The following SEMA3A variants were observed in gnomAD, a reference collection of about 807,000 sequenced individuals.
The protein encoded by SEMA3A is semaphorin-3A.
SEMA3A carries 29 observed loss-of-function variants against 97.9 expected under a neutral mutation model. That is an observed-to-expected ratio of 0.30 (90% CI 0.22 to 0.40). The LOEUF (loss-of-function observed/expected upper bound fraction) is 0.40, where lower values mean the gene tolerates loss of function less well. Ranked by LOEUF, SEMA3A falls within the 10% of genes least tolerant of loss-of-function variation. SEMA3A has a pLI of 1.00. For synonymous variants in SEMA3A, 321 were observed against 323.7 expected (o/e 0.99, Z 0.09); for missense variants, 763 against 951.3 (o/e 0.80, Z 2.60).
chr7:84,359,882 G>C (rs9801326), intron 2 of SEMA3A, among the ~76,000 whole-genome samples: 1 of 151,108 alleles, frequency 6.6e-6, no homozygotes, highest in African/African-American at 2.4e-5. Context: ...TGTATGTGTC[G>C]AGGAATTTAT....
upstream of SEMA3A, chr7:84,194,919 A>G (rs1368477727): frequency 1.0e-5 from 2 of 194,976 alleles, no homozygotes; most frequent in Non-Finnish European, 2.1e-5. Flanking sequence ...AGTTCCTTTT[A>G]TCTAAGCTCC....
At chr7:84,052,841 T>C (rs1335096217) in intron 5 of SEMA3A, among the ~76,000 whole-genome samples, 3 of 151,484 alleles carry the variant, frequency 2.0e-5, no homozygotes, top group Non-Finnish European at 2.9e-5. Flanking sequence ...CTTTCTCTTG[T>C]GGGCATTTAG....
intron 3 of SEMA3A, among the ~76,000 whole-genome samples, chr7:84,297,564 C>A (rs1800902666): frequency 6.6e-6 from 1 of 152,084 alleles, no homozygotes; most frequent in Admixed American, 6.6e-5. Context: ...GAATACCAAT[C>A]AAAATAACTA....
chr7:84,424,953 T>TTA (rs1215982940), intron 1 of SEMA3A, among the ~76,000 whole-genome samples: 9,689 of 100,744 alleles, frequency 0.096, 1,014 homozygotes, highest in African/African-American at 0.26. Flanking sequence ...ATATTTATAA[T>TTA]TATATATATA....
At chr7:84,098,586 A>C (rs1794850505) in intron 4 of SEMA3A, among the ~76,000 whole-genome samples, 1 of 152,124 alleles carries the variant, frequency 6.6e-6, no homozygotes, top group African/African-American at 2.4e-5. Context: ...TGCCACTGCC[A>C]AGGAATTTTA....
chr7:84,328,981 T>G (rs994691670), intron 2 of SEMA3A, among the ~76,000 whole-genome samples: 3 of 151,978 alleles, frequency 2.0e-5, no homozygotes, highest in African/African-American at 7.2e-5. Flanking sequence ...TATTTATTAT[T>G]GTTATACTTT....
At chr7:84,292,173 T>C (rs1161619134) in intron 3 of SEMA3A, among the ~76,000 whole-genome samples, 3 of 152,080 alleles carry the variant, frequency 2.0e-5, no homozygotes, top group Non-Finnish European at 4.4e-5. Flanking sequence ...TATTTTCAAA[T>C]CTTTACAAAA....
At chr7:84,239,512 A>C (rs1799311540) in intron 3 of SEMA3A, among the ~76,000 whole-genome samples, 1 of 151,466 alleles carries the variant, frequency 6.6e-6, no homozygotes, top group South Asian at 2.1e-4. Flanking sequence ...TGAGGGAATA[A>C]TTACAGAACA....
chr7:84,160,223 GTCTATCTATCTATCTATCTA>G (rs61107978), intron 1 of SEMA3A, among the ~76,000 whole-genome samples: 24,544 of 149,416 alleles, frequency 0.16, 2,105 homozygotes, highest in South Asian at 0.22. Flanking sequence ...CTATCAATCT[GTCTATCTATCTATCTATCTA>G]TCTATCTATC....
intron 7 of SEMA3A, 22 bp downstream of exon 7, chr7:84,014,187 A>T (rs757392394): frequency 1.9e-6 from 3 of 1,577,582 alleles, no homozygotes; most frequent in Non-Finnish European, 2.6e-6. Flanking sequence ...CATCCTTCTC[A>T]GTTTTTTTTT....
At chr7:84,141,260 G>A (rs2116072456) in intron 1 of SEMA3A, among the ~76,000 whole-genome samples, 1 of 152,242 alleles carries the variant, frequency 6.6e-6, no homozygotes, top group South Asian at 2.1e-4. Flanking sequence ...TACACATCCT[G>A]ATCTGTTACT....
At chr7:84,305,023 G>A (rs760583550) in intron 3 of SEMA3A, among the ~76,000 whole-genome samples, 2 of 151,874 alleles carry the variant, frequency 1.3e-5, no homozygotes, top group Non-Finnish European at 2.9e-5. Context: ...CATGTTGAGG[G>A]AAGAGTCAAC....
At chr7:84,303,241 A>G (rs1278486753) in intron 3 of SEMA3A, among the ~76,000 whole-genome samples, 8 of 152,064 alleles carry the variant, frequency 5.3e-5, no homozygotes, top group African/African-American at 1.7e-4. Context: ...CATTTGAGTC[A>G]AGGCCGTGAG....
chr7:84,126,479 T>A (rs907282833), intron 3 of SEMA3A, among the ~76,000 whole-genome samples: 1 of 152,186 alleles, frequency 6.6e-6, no homozygotes, highest in African/African-American at 2.4e-5. Flanking sequence ...GTGTTGGGAT[T>A]ACAGGCATGG....
At chr7:84,444,413 G>T (rs545146981) in intron 1 of SEMA3A, among the ~76,000 whole-genome samples, 1 of 151,796 alleles carries the variant, frequency 6.6e-6, no homozygotes, top group African/African-American at 2.4e-5. Flanking sequence ...CTTTGGTATT[G>T]GTCATATTTC....
chr7:84,124,061 A>G (rs1453098370), intron 3 of SEMA3A, among the ~76,000 whole-genome samples: 1 of 152,132 alleles, frequency 6.6e-6, no homozygotes, highest in East Asian at 1.9e-4. Context: ...TGACACAGAA[A>G]CTATGTAGGT....
At chr7:84,288,104 T>C (rs1457197796) in intron 3 of SEMA3A, among the ~76,000 whole-genome samples, 1 of 152,060 alleles carries the variant, frequency 6.6e-6, no homozygotes, top group African/African-American at 2.4e-5. Flanking sequence ...AATGTTTACA[T>C]AGTTAATCTT....
At chr7:84,259,431 C>T (rs903913064) in intron 3 of SEMA3A, among the ~76,000 whole-genome samples, 1 of 151,984 alleles carries the variant, frequency 6.6e-6, no homozygotes, top group Non-Finnish European at 1.5e-5. Context: ...AGATTAACTT[C>T]CCAGGTGGAA....
At chr7:84,103,465 T>A (rs1412689695) in intron 4 of SEMA3A, among the ~76,000 whole-genome samples, 1 of 152,154 alleles carries the variant, frequency 6.6e-6, no homozygotes, top group Non-Finnish European at 1.5e-5. Flanking sequence ...CTTATTTCAT[T>A]TTTTCACATT....
Sources: allele counts gnomAD v4.1 joint callset (sites outside exome capture counted in the v4.1 genomes callset), GRCh38; gene constraint gnomAD v4.1.1; transcripts MANE v1.5; gene names NCBI Gene and HGNC (gene_info 2026-07-23, HGNC 2026-07-21).